The following ETV1 variants were observed in gnomAD, a reference collection of about 807,000 sequenced individuals.
The protein encoded by ETV1 is ETS variant transcription factor 1.
Under a neutral mutation model 62.3 loss-of-function variants are expected in ETV1, and 27 were observed. The ratio of observed to expected loss-of-function variants is 0.43; its 90% CI spans 0.32 to 0.60. The LOEUF is 0.60. Ranked by LOEUF, ETV1 falls within the 20% of genes least tolerant of loss-of-function variation. The pLI is 0.06. For missense variants in ETV1, 605 were observed against 605.8 expected (o/e 1.00, Z 0.01); for synonymous variants, 222 against 199.6 (o/e 1.11, Z -0.94).
intron 12 of ETV1, chr7:13,906,189 A>T (rs774287922): frequency 1.1e-5 from 4 of 352,258 alleles, no homozygotes; most frequent in African/African-American, 2.1e-5. Context: ...GGTGCAAAGC[A>T]TGCTCTGGTT....
chr7:13,909,796 T>A, intron 10 of ETV1, 96 bp from the exon 11 acceptor site: 4 of 1,064,116 alleles, frequency 3.8e-6, no homozygotes, highest in Non-Finnish European at 5.7e-6. Flanking sequence ...TGATAGAAAA[T>A]GACTCTGCCA....
At chr7:13,911,950 T>A (rs1459085008) in intron 9 of ETV1, among the ~76,000 whole-genome samples, 1 of 152,212 alleles carries the variant, frequency 6.6e-6, no homozygotes, top group Non-Finnish European at 1.5e-5. Flanking sequence ...TTCAAATTAA[T>A]TTTTAATGCT....
Position 13,911,980 on chromosome 7 carries a change from C to T in ETV1, c.803-673G>A, listed in dbSNP as rs186356734. 2.2e-4 allele frequency among the ~76,000 whole-genome samples: 34 copies of T among 152,304 alleles called. 1 individual carries two copies. In the South Asian group the frequency reaches 2.3e-3, roughly 10 times the overall value. On this transcript the variant is annotated intron_variant, in intron 9 of 13. Transcript: ENST00000430479. ...AATGCTATTTTGATTTATTCCCAGA[C>T]GTAAGGTCCCTTAAAGCAGCTGGGA... is the stretch of plus-strand genomic sequence containing the variant.
chr7:13,901,803 C>T (rs939904820), intron 12 of ETV1, among the ~76,000 whole-genome samples: 1 of 152,140 alleles, frequency 6.6e-6, no homozygotes, highest in Non-Finnish European at 1.5e-5. Context: ...TGGAAAAGGT[C>T]ACCATGTATA....
At chr7:13,944,027 C>A (rs1318864210) in intron 6 of ETV1, among the ~76,000 whole-genome samples, 4 of 152,034 alleles carry the variant, frequency 2.6e-5, no homozygotes, top group African/African-American at 9.7e-5. Context: ...AGAGGAATGG[C>A]ATGTTTGGGG....
chr7:13,989,916 C>A (rs1325929201), upstream of ETV1: 1 of 272,202 alleles, frequency 3.7e-6, no homozygotes, highest in Non-Finnish European at 6.8e-6. Context: ...CTCTGTAACC[C>A]GCTGCTTATT....
Position 13,906,525 on chromosome 7 carries a change from G to T in ETV1, c.1015C>A (p.Gln339Lys), listed in dbSNP as rs1216726802. ...YQRRGSLQLWQFLVALLDDPS... is the reference protein window; with the variant it reads ...YQRRGSLQLWKFLVALLDDPS... ...TCATCCAGAAGAGCTACCAAAAACT[G>T]CCAGAGCTGAAGTGATCCTCGCCGT... The change falls in exon 12 of 14, where the codon CAG (glutamine) becomes AAG (lysine). Residue 339 changes from glutamine (Q) to lysine (K), a missense_variant. Around this residue, in one of 3 missense-constraint regions of ETV1, gnomAD observed 100 missense variants for 156.4 expected, o/e 0.64. Coordinates refer to ENST00000430479, the MANE Select transcript of ETV1 (RefSeq NM_004956.5). 6.2e-7 allele frequency: 1 copy of T among 1,611,932 alleles called. No individual in the cohort carries two copies. The highest frequency in any genetic ancestry group is 2.2e-5 in the East Asian group (1 of 44,834).
chr7:13,942,217 G>C (rs1011756139), intron 6 of ETV1, among the ~76,000 whole-genome samples: 1 of 151,830 alleles, frequency 6.6e-6, no homozygotes, highest in African/African-American at 2.4e-5. Flanking sequence ...TAGAGACGGG[G>C]TTTCATCGTG....
At position 13,942,331 on chromosome 7, in the gene ETV1, TA is replaced by T. The variant is rs933240535; in HGVS notation, c.236-3086del. Among the ~76,000 whole-genome samples the T allele has an allele frequency of 3.6e-4, 54 of 149,206 alleles. 1 individual carries two copies. Among genetic ancestry groups the T allele is most frequent in the African/African-American group, 1.2e-3 (51 of 41,084 alleles). ...AGCCACCGTGCCCGGCCTCTTTTTTTAAACAAGTGGTTTTCGATTATTTATT... is the reference window on the plus strand; with the variant it reads ...AGCCACCGTGCCCGGCCTCTTTTTTTAACAAGTGGTTTTCGATTATTTATT... On this transcript the variant is annotated intron_variant, in intron 6 of 13. Transcript: ENST00000430479.
At chr7:13,951,153 AATC>A (rs1304376098) in intron 6 of ETV1, among the ~76,000 whole-genome samples, 3 of 152,096 alleles carry the variant, frequency 2.0e-5, no homozygotes, top group Non-Finnish European at 4.4e-5. Context: ...ATAGATAAGA[AATC>A]ATCATATGTA....
chr7:13,949,310 T>A (rs974059467), intron 6 of ETV1, among the ~76,000 whole-genome samples: 4 of 152,200 alleles, frequency 2.6e-5, no homozygotes, highest in African/African-American at 9.7e-5. Flanking sequence ...ACTCAGTAGA[T>A]GAAAAGCATT....
intron 5 of ETV1, among the ~76,000 whole-genome samples, chr7:13,982,117 T>G (rs1396810240): frequency 6.6e-6 from 1 of 152,132 alleles, no homozygotes; most frequent in South Asian, 2.1e-4. Flanking sequence ...ACTGTAACAG[T>G]AAAGTTTTAG....
intron 9 of ETV1, among the ~76,000 whole-genome samples, chr7:13,912,576 G>A (rs1036943976): frequency 6.6e-6 from 1 of 152,154 alleles, no homozygotes; most frequent in African/African-American, 2.4e-5. Flanking sequence ...GGCCCAACTT[G>A]TGAACTCAAA....
chr7:13,968,822 G>A (rs926052970), intron 6 of ETV1, among the ~76,000 whole-genome samples: 3 of 152,048 alleles, frequency 2.0e-5, no homozygotes, highest in Admixed American at 6.6e-5. Flanking sequence ...TAAAGGTTAA[G>A]AGACATACCC....
In ETV1 at chr7:13,938,373, C is replaced by T. The variant is rs142469022; in HGVS notation, c.365+744G>A. Among the ~76,000 whole-genome samples the T allele has an allele frequency of 4.6e-5, 7 of 152,280 alleles. No homozygotes were observed. The East Asian group carries it at 1.4e-3, about 29-fold the overall frequency. ...ATCTGAATTGATATAACTTATAAAA[C>T]AGTATGAATATTTGGAATAATTTGT... On this transcript the variant is annotated intron_variant, in intron 7 of 13. Transcript: ENST00000430479.
Position 13,895,653 on chromosome 7 carries a change from GA to G in ETV1, c.*212del. 1.8e-6 allele frequency: 1 copy of G among 550,714 alleles called. No homozygotes were observed. Among genetic ancestry groups the G allele is most frequent in the Non-Finnish European group, 3.2e-6 (1 of 308,908 alleles). The allele number at this position is 550,714 out of a possible 1,614,324, so 34.1% of individuals were successfully genotyped here. A position where few individuals can be genotyped will look rare whatever the true frequency, so the allele number is the denominator to read the frequency against. On this transcript the variant is annotated 3_prime_UTR_variant, in exon 14 of 14. Transcript: ENST00000430479. ...TCACCCATTAGCTTCCTGTTACACA[GA>G]ATAAATGTTTAGATTACTCCCACCC...
At chr7:13,933,252 T>C (rs1160156933) in intron 8 of ETV1, among the ~76,000 whole-genome samples, 1 of 152,178 alleles carries the variant, frequency 6.6e-6, no homozygotes, top group African/African-American at 2.4e-5. Context: ...TCGACCTGAT[T>C]CCAGTTGGAA....
At chr7:13,929,547 C>T (rs1785845010) in intron 9 of ETV1, among the ~76,000 whole-genome samples, 1 of 152,136 alleles carries the variant, frequency 6.6e-6, no homozygotes, top group Non-Finnish European at 1.5e-5. Flanking sequence ...CTCTTCCTAT[C>T]CTTGAGCTCA....
intron 9 of ETV1, among the ~76,000 whole-genome samples, chr7:13,926,731 T>G (rs983691078): frequency 6.6e-6 from 1 of 152,196 alleles, no homozygotes; most frequent in South Asian, 2.1e-4. Flanking sequence ...AATAGATGGA[T>G]TGGATTGGAT....
Sources: allele counts gnomAD v4.1 joint callset (sites outside exome capture counted in the v4.1 genomes callset), GRCh38; gene constraint gnomAD v4.1.1; regional missense constraint gnomAD v4.1.1; transcripts MANE v1.5; gene names NCBI Gene and HGNC (gene_info 2026-07-23, HGNC 2026-07-21).